The following CPNE1 variants were observed in gnomAD, a reference collection of about 807,000 sequenced individuals.
CPNE1 encodes copine-1.
A neutral mutation model predicts 63.2 loss-of-function variants in CPNE1; 58 were observed. The ratio of observed to expected loss-of-function variants is 0.92; its 90% CI spans 0.74 to 1.14. CPNE1 has a LOEUF of 1.14. Ranked by LOEUF, CPNE1 falls within the 50% of genes most tolerant of loss-of-function variation. CPNE1 has a pLI of 0.00. For missense variants in CPNE1, 672 were observed against 661.7 expected (o/e 1.02, Z -0.17); for synonymous variants, 237 against 249.0 (o/e 0.95, Z 0.45).
At chr20:35,630,099 C>T (rs2032018836) in intron 13 of CPNE1, among the ~76,000 whole-genome samples, 3 of 152,058 alleles carry the variant, frequency 2.0e-5, no homozygotes, top group Non-Finnish European at 4.4e-5. Context: ...TTCGAGACCA[C>T]CCTGGCCAAC....
At chr20:35,659,457 C>G (rs1235054786) in intron 1 of CPNE1, among the ~76,000 whole-genome samples, 3 of 152,190 alleles carry the variant, frequency 2.0e-5, no homozygotes, top group African/African-American at 7.2e-5. Flanking sequence ...GATAGCAATT[C>G]AAGGGTACTC....
Position 35,631,356 on chromosome 20 carries a change from T to C in CPNE1, c.715-2A>G, listed in dbSNP as rs1334567121. 2.5e-6 allele frequency: 4 copies of C among 1,614,118 alleles called. No individual in the cohort carries two copies. The highest frequency in any genetic ancestry group is 1.7e-5 in the Admixed American group (1 of 60,016). The stretch of plus-strand genomic sequence containing the variant: ...AGGGTGGATGCATTCAAACTCAGCC[T>C]GGTGAGGACAGAAAAATTAGGGTAG... On this transcript the variant is annotated splice_acceptor_variant, in intron 8 of 15. Coordinates refer to ENST00000397443, the MANE Select transcript of CPNE1 (RefSeq NM_152925.3). LOFTEE classifies it high-confidence loss of function.
chr20:35,629,678 G>C (rs2031990338), intron 13 of CPNE1, among the ~76,000 whole-genome samples: 1 of 149,332 alleles, frequency 6.7e-6, no homozygotes, highest in Non-Finnish European at 1.5e-5. Flanking sequence ...TTTGAGATAG[G>C]TTCTCACTCT....
At chr20:35,638,462 A>G (rs2032612980) in intron 1 of CPNE1, among the ~76,000 whole-genome samples, 1 of 152,232 alleles carries the variant, frequency 6.6e-6, no homozygotes, top group African/African-American at 2.4e-5. Context: ...ATACTGTTAC[A>G]TACCCACCAC....
intron 1 of CPNE1, among the ~76,000 whole-genome samples, chr20:35,655,736 A>T (rs1191307584): frequency 6.6e-6 from 1 of 152,168 alleles, no homozygotes; most frequent in African/African-American, 2.4e-5. Flanking sequence ...AAGAATATAT[A>T]GAAGTTAGTA....
At chr20:35,645,163 G>C (rs1024289148) in intron 1 of CPNE1, among the ~76,000 whole-genome samples, 1 of 152,100 alleles carries the variant, frequency 6.6e-6, no homozygotes, top group Non-Finnish European at 1.5e-5. Context: ...AAAATGAGAT[G>C]AGTAAATGAA....
intron 1 of CPNE1, among the ~76,000 whole-genome samples, chr20:35,658,124 A>G (rs2034012463): frequency 6.6e-6 from 1 of 152,194 alleles, no homozygotes; most frequent in South Asian, 2.1e-4. Flanking sequence ...GTTACTAAGT[A>G]ACTGTTTGAC....
intron 1 of CPNE1, chr20:35,650,840 T>C (rs895349188): frequency 1.3e-5 from 2 of 152,596 alleles, no homozygotes; most frequent in Non-Finnish European, 2.9e-5. Flanking sequence ...ACTGTATATA[T>C]ATATAGTTTA....
rs1383521070 is a variant in CPNE1 at position 35,631,495 on chromosome 20, G to A, written c.711C>T (p.Val237=). The change falls in exon 8 of 16, where the codon GTC becomes GTT. Residue 237 remains valine, a synonymous_variant. Coordinates refer to ENST00000397443, the MANE Select transcript of CPNE1 (RefSeq NM_152925.3). ...FHTSLAQLQA[V]PAEFECIHPE... is the part of the protein sequence containing the mutation. The stretch of plus-strand genomic sequence containing the variant: ...CCCTGGCAAGACCAGCACTCACCGG[G>A]ACTGCCTGCAGCTGGGCCAAGCTGG... 1.2e-6 allele frequency: 2 copies of A among 1,613,792 alleles called. No homozygotes were observed. Among genetic ancestry groups the A allele is most frequent in the South Asian group, 1.1e-5 (1 of 91,058 alleles).
intron 1 of CPNE1, chr20:35,652,486 A>C: frequency 1.3e-6 from 2 of 1,567,940 alleles, no homozygotes; most frequent in South Asian, 2.4e-5. Flanking sequence ...TAATCACAGC[A>C]ATATGAAGAT....
intron 1 of CPNE1, chr20:35,655,098 A>G (rs1350746957): frequency 6.2e-7 from 1 of 1,614,140 alleles, no homozygotes; most frequent in East Asian, 2.2e-5. Context: ...TTTCCGTCTT[A>G]CTACTCAACA....
chr20:35,631,215 G>T (rs1203043113), intron 9 of CPNE1, 42 bp from the exon 10 acceptor site: 1 of 1,613,272 alleles, frequency 6.2e-7, no homozygotes, highest in Non-Finnish European at 8.5e-7. Context: ...GATAGCAGTT[G>T]GTGTCATGGA....
chr20:35,663,020 C>T (rs904415375), intron 1 of CPNE1, among the ~76,000 whole-genome samples: 1 of 152,188 alleles, frequency 6.6e-6, no homozygotes, highest in Non-Finnish European at 1.5e-5. Context: ...CATTAAAAAT[C>T]TGTCCAATAA....
At chr20:35,641,465 C>T (rs2032802853) in intron 1 of CPNE1, among the ~76,000 whole-genome samples, 1 of 152,194 alleles carries the variant, frequency 6.6e-6, no homozygotes, top group Admixed American at 6.5e-5. Context: ...TGACATACTA[C>T]AACACTAAAT....
chr20:35,632,639 G>A lies in CPNE1; in HGVS notation c.187C>T (p.Gln63Ter). ...CSSPEFSKTLQLEYRFETVQK... is the reference protein window; with the variant it reads ...CSSPEFSKTL ...ACTGTCTCAAAGCGGTACTCAAGCT[G>A]TAGAGTCTTGGAGAACTCAGGGCTT... The change falls in exon 3 of 16, where the codon CAG becomes TAG. Residue 63 changes from glutamine to a stop codon, truncating the protein, a stop_gained. Transcript: ENST00000397443. LOFTEE classifies it high-confidence loss of function. The A allele has an allele frequency of 6.7e-7, 1 of 1,491,346 alleles. No individual in the cohort carries two copies. Among genetic ancestry groups the A allele is most frequent in the Non-Finnish European group, 9.4e-7 (1 of 1,068,132 alleles). 92.4% of individuals were successfully genotyped at this position (1,491,346 alleles called of 1,614,324 possible).
chr20:35,644,643 T>C (rs1349224603), intron 1 of CPNE1, among the ~76,000 whole-genome samples: 3 of 143,810 alleles, frequency 2.1e-5, no homozygotes, highest in Non-Finnish European at 4.8e-5. Context: ...ATTCTGAGAA[T>C]GTTATTTCTA....
Position 35,631,270 on chromosome 20 carries a change from G to A in CPNE1, c.799C>T (p.Arg267Trp), listed in dbSNP as rs371835970. The A allele has an allele frequency of 1.4e-5, 22 of 1,613,974 alleles. No individual in the cohort carries two copies. The African/African-American group carries it at 1.6e-4, about 12-fold the overall frequency. The change falls in exon 9 of 16, where the codon CGG (arginine) becomes TGG (tryptophan). Residue 267 changes from arginine to tryptophan, a missense_variant and splice_region_variant. Coordinates refer to ENST00000397443, the MANE Select transcript of CPNE1 (RefSeq NM_152925.3). ...GGTTACATGGGCTTTTGTCTCACCC[G>A]ACAAATCTTGACACGGATAGTTCCA... ...NSGTIRVKIC[R>W]VETEYSFLDY...
At chr20:35,646,371 C>A (rs1311719341) in intron 1 of CPNE1, among the ~76,000 whole-genome samples, 2 of 143,424 alleles carry the variant, frequency 1.4e-5, no homozygotes, top group Non-Finnish European at 1.5e-5. Flanking sequence ...ATATGAAGCA[C>A]AAACTCTAAG....
intron 1 of CPNE1, chr20:35,658,796 AACAAAAAC>A (rs1426422465): frequency 1.9e-6 from 1 of 538,120 alleles, no homozygotes; most frequent in Non-Finnish European, 3.2e-6. Flanking sequence ...AAAACAAGCA[AACAAAAAC>A]ACACACACAC....
Sources: gnomAD v4.1 joint callset for allele counts (sites outside exome capture counted in the v4.1 genomes callset) on GRCh38, gnomAD v4.1.1 for gene constraint, MANE v1.5 for transcripts, NCBI Gene and HGNC (gene_info 2026-07-23, HGNC 2026-07-21) for gene names.